FBXW8: variants seen among roughly 807,000 people sequenced by gnomAD.
FBXW8 encodes F-box/WD repeat-containing protein 8.
A neutral mutation model predicts 65.3 loss-of-function variants in FBXW8; 57 were observed. That is an observed-to-expected ratio of 0.87 (90% CI 0.71 to 1.09). The LOEUF is 1.09. Ranked by LOEUF, FBXW8 falls within the 50% of genes least tolerant of loss-of-function variation. The pLI, the probability that FBXW8 is intolerant of heterozygous loss-of-function variation, is 0.00. For synonymous variants in FBXW8, 308 were observed against 330.2 expected (o/e 0.93, Z 0.73); for missense variants, 777 against 814.8 (o/e 0.95, Z 0.57).
Position 116,945,459 on chromosome 12 carries a change from C to G in FBXW8, c.519C>G (p.Asp173Glu). Reference sequence around the variant, plus strand: ...ACCTTCCGGATAGCAGCATCTCTGACTATTCTTGCTGGAAGCTCATCTTCC... The same window carrying G: ...ACCTTCCGGATAGCAGCATCTCTGAGTATTCTTGCTGGAAGCTCATCTTCC... ...EGHLPDSSIS[D>E]YSCWKLIFQE... The change falls in exon 3 of 11, where the codon GAC becomes GAG. Residue 173 changes from aspartate (D) to glutamate (E), a missense_variant. By Grantham distance (45) the Asp-to-Glu change is conservative. Coordinates refer to ENST00000652555, the MANE Select transcript of FBXW8 (RefSeq NM_153348.3). 1.2e-6 allele frequency: 2 copies of G among 1,614,168 alleles called. No homozygotes were observed. The highest frequency in any genetic ancestry group is 2.2e-5 in the South Asian group (2 of 91,074).
chr12:116,982,906 C>T (rs756914337), intron 5 of FBXW8, among the ~76,000 whole-genome samples: 31 of 152,162 alleles, frequency 2.0e-4, no homozygotes, highest in Admixed American at 1.3e-4. Context: ...CTTACAAATG[C>T]AGCCGCTCAT....
intron 8 of FBXW8, among the ~76,000 whole-genome samples, chr12:117,015,969 A>G (rs1953939263): frequency 1.3e-5 from 2 of 152,344 alleles, no homozygotes; most frequent in African/African-American, 2.4e-5. Flanking sequence ...TCCACTTAGC[A>G]TGTTTTTAAG....
At chr12:116,913,681 G>A (rs1378294704) in intron 1 of FBXW8, among the ~76,000 whole-genome samples, 1 of 152,188 alleles carries the variant, frequency 6.6e-6, no homozygotes, top group Non-Finnish European at 1.5e-5. Flanking sequence ...AGAGGTGCAA[G>A]GAGAGGCAGG....
chr12:116,934,841 T>C (rs1220941514), intron 2 of FBXW8, among the ~76,000 whole-genome samples: 1 of 152,200 alleles, frequency 6.6e-6, no homozygotes, highest in Admixed American at 6.5e-5. Context: ...TACATGGATG[T>C]AGATTTGTGT....
At chr12:116,917,347 T>C (rs558857128) in intron 1 of FBXW8, among the ~76,000 whole-genome samples, 2 of 152,314 alleles carry the variant, frequency 1.3e-5, no homozygotes, top group East Asian at 3.9e-4. Flanking sequence ...GATCCATGGG[T>C]GGCTCCTGAA....
At chr12:116,968,928 A>G (rs540563430) in intron 5 of FBXW8, among the ~76,000 whole-genome samples, 2 of 151,910 alleles carry the variant, frequency 1.3e-5, no homozygotes, top group African/African-American at 4.8e-5. Flanking sequence ...ATTAGCATGC[A>G]GTATGGTTCC....
chr12:117,018,977 C>T lies in FBXW8; in HGVS notation c.1368-5170C>T, dbSNP rs910176463. Among the ~76,000 whole-genome samples the T allele has an allele frequency of 5.3e-5, 8 of 152,334 alleles. No homozygotes were observed. The East Asian group carries it at 1.5e-3, about 29-fold the overall frequency. ...CTGAAAAGTACTTGGTAAACACTTC[C>T]GCTCCCCCTTTCCCCAATCCTTTTC... On this transcript the variant is annotated intron_variant, in intron 8 of 10. Coordinates refer to ENST00000652555, the MANE Select transcript of FBXW8 (RefSeq NM_153348.3).
At chr12:117,021,728 C>A (rs1954104045) in intron 8 of FBXW8, among the ~76,000 whole-genome samples, 1 of 152,102 alleles carries the variant, frequency 6.6e-6, no homozygotes. Flanking sequence ...GATAAGAAGT[C>A]TACCCACTTC....
chr12:117,005,051 G>T (rs1418603160), intron 7 of FBXW8, among the ~76,000 whole-genome samples: 1 of 152,206 alleles, frequency 6.6e-6, no homozygotes, highest in Non-Finnish European at 1.5e-5. Context: ...CTGCCATGTT[G>T]TCAGAGGTGG....
Position 116,958,126 on chromosome 12 carries a change from A to G in FBXW8, c.678-6571A>G, listed in dbSNP as rs1049952959. ...TGCATGTATCTCATAAGGTCCATTA[A>G]GACGTTCATTATTTTTCAATTGATG... On this transcript the variant is annotated intron_variant, in intron 4 of 10. Transcript: ENST00000652555. 3.9e-5 allele frequency among the ~76,000 whole-genome samples: 6 copies of G among 152,238 alleles called. 1 individual carries two copies. Among genetic ancestry groups the G allele is most frequent in the Non-Finnish European group, 4.4e-5 (3 of 68,042 alleles).
At chr12:116,937,598 G>C (rs761091979) in intron 2 of FBXW8, among the ~76,000 whole-genome samples, 4 of 152,242 alleles carry the variant, frequency 2.6e-5, no homozygotes, top group Non-Finnish European at 5.9e-5. Flanking sequence ...ATTGGGTTTT[G>C]CAAGTTGGAG....
At chr12:117,023,921 G>A (rs550975758) in intron 8 of FBXW8, among the ~76,000 whole-genome samples, 49 of 152,350 alleles carry the variant, frequency 3.2e-4, no homozygotes, top group Middle Eastern at 6.8e-3. Flanking sequence ...ACTGTCCTTG[G>A]CCTGCGTCTT....
At position 116,961,396 on chromosome 12, in the gene FBXW8, A is replaced by C. The variant is rs1319753030; in HGVS notation, c.678-3301A>C. On this transcript the variant is annotated intron_variant, in intron 4 of 10. Coordinates refer to ENST00000652555, the MANE Select transcript of FBXW8 (RefSeq NM_153348.3). This position sits in a 1 kb window ranked among gnomAD's most constrained non-coding sequence, Gnocchi z 4.4. ...GGTGAGGAGGTGAGGTACTGCAGCA[A>C]GGTGGGGCAGAGAATCAGAGTTCAG... 6.6e-6 allele frequency among the ~76,000 whole-genome samples: 1 copy of C among 152,166 alleles called. No individual in the cohort carries two copies. The highest frequency in any genetic ancestry group is 1.5e-5 in the Non-Finnish European group (1 of 68,036).
At chr12:117,025,915 G>A (rs930003070) in intron 9 of FBXW8, among the ~76,000 whole-genome samples, 2 of 152,202 alleles carry the variant, frequency 1.3e-5, no homozygotes, top group Non-Finnish European at 2.9e-5. Context: ...AGCTAAGGAA[G>A]GCCTTCCCCA....
At chr12:117,027,568 C>G (rs561598683) in intron 10 of FBXW8, 64 bp downstream of exon 10, 33 of 1,259,814 alleles carry the variant, frequency 2.6e-5, no homozygotes, top group East Asian at 5.0e-5. Flanking sequence ...GAACCCCACC[C>G]CCCCCGCCGT....
intron 9 of FBXW8, among the ~76,000 whole-genome samples, chr12:117,026,735 A>G (rs1954241480): frequency 6.6e-6 from 1 of 152,170 alleles, no homozygotes; most frequent in Non-Finnish European, 1.5e-5. Flanking sequence ...TACCTTCTTC[A>G]CTAGCTAGGG....
intron 4 of FBXW8, among the ~76,000 whole-genome samples, chr12:116,954,244 G>C (rs1469728054): frequency 6.6e-6 from 1 of 152,038 alleles, no homozygotes; most frequent in Non-Finnish European, 1.5e-5. Context: ...GGTCTCCCAT[G>C]TGTCTGGTTT....
Position 117,029,014 on chromosome 12 carries a change from C to T in FBXW8, c.*842C>T, listed in dbSNP as rs1169125175. 1 of 152,098 alleles carries T rather than the reference C, an allele frequency of 6.6e-6. No homozygotes were observed. Among genetic ancestry groups the T allele is most frequent in the African/African-American group, 2.4e-5 (1 of 41,406 alleles). 9.4% of individuals were successfully genotyped at this position (152,098 alleles called of 1,614,324 possible). A position where few individuals can be genotyped will look rare whatever the true frequency, so the allele number is the denominator to read the frequency against. ...AATATCAAAGCGAAAACTGATAGAA[C>T]TACAAAGAGAAATAAAATCCATTCT... On this transcript the variant is annotated 3_prime_UTR_variant, in exon 11 of 11. Transcript: ENST00000652555.
chr12:116,957,341 C>CA (rs528116560), intron 4 of FBXW8, among the ~76,000 whole-genome samples: 3 of 151,670 alleles, frequency 2.0e-5, no homozygotes, highest in Non-Finnish European at 2.9e-5. Flanking sequence ...GAGACTGTCT[C>CA]AAAAAAAATT....
Sources: allele counts gnomAD v4.1 joint callset (sites outside exome capture counted in the v4.1 genomes callset), GRCh38; gene constraint gnomAD v4.1.1; non-coding constraint Gnocchi (gnomAD v3.1); transcripts MANE v1.5; gene names NCBI Gene and HGNC (gene_info 2026-07-23, HGNC 2026-07-21).